RAPGEF4: variants seen among roughly 807,000 people sequenced by gnomAD.
The protein encoded by RAPGEF4 is Rap guanine nucleotide exchange factor 4.
In RAPGEF4, 66 loss-of-function variants were observed where a neutral mutation model predicts 147.9. The ratio of observed to expected loss-of-function variants is 0.45; its 90% CI spans 0.37 to 0.55. RAPGEF4 has a LOEUF of 0.55. RAPGEF4 is among the 20% of genes least tolerant of loss of function. The probability of loss-of-function intolerance (pLI) is 0.00; values close to 1 mark genes in which losing one functional copy is unlikely to be tolerated. For synonymous variants in RAPGEF4, 419 were observed against 442.7 expected, an observed-to-expected ratio of 0.95 and a Z score of 0.67; for missense variants, 1,071 against 1,257.3, an observed-to-expected ratio of 0.85 and a Z score of 2.24.
intron 4 of RAPGEF4, chr2:172,860,280 A>G (rs1693880885): frequency 2.0e-6 from 2 of 985,294 alleles, no homozygotes; most frequent in Non-Finnish European, 2.4e-6. Context: ...GCCGTGGTGG[A>G]CCTGGGAGAA....
At chr2:172,877,935 T>C (rs1696155923) in intron 4 of RAPGEF4, among the ~76,000 whole-genome samples, 1 of 152,216 alleles carries the variant, frequency 6.6e-6, no homozygotes, top group Admixed American at 6.5e-5. Flanking sequence ...TTTTGTTCTT[T>C]CACTCTAAGA....
chr2:172,880,395 A>G (rs1696471492), intron 4 of RAPGEF4, among the ~76,000 whole-genome samples: 1 of 152,222 alleles, frequency 6.6e-6, no homozygotes, highest in South Asian at 2.1e-4. Flanking sequence ...ATAGTAATTC[A>G]TTGTTTACAT....
chr2:172,900,013 A>G (rs1320967228), intron 4 of RAPGEF4, among the ~76,000 whole-genome samples: 1 of 152,196 alleles, frequency 6.6e-6, no homozygotes, highest in Non-Finnish European at 1.5e-5. Flanking sequence ...ATGCCAGATA[A>G]CTGGACACAT....
intron 1 of RAPGEF4, among the ~76,000 whole-genome samples, chr2:172,783,367 A>C (rs1433804551): frequency 6.6e-6 from 1 of 152,148 alleles, no homozygotes; most frequent in African/African-American, 2.4e-5. Flanking sequence ...TTTCCTCTTC[A>C]TTCTTTCACA....
At chr2:172,757,599 T>C (rs750304131) in intron 1 of RAPGEF4, among the ~76,000 whole-genome samples, 5 of 152,366 alleles carry the variant, frequency 3.3e-5, no homozygotes, top group Non-Finnish European at 5.9e-5. Context: ...ACTAAATTTA[T>C]TGGAGCTGTA....
chr2:172,736,131 C>A (rs867905996), intron 1 of RAPGEF4, 83 bp downstream of exon 1: 2 of 1,139,154 alleles, frequency 1.8e-6, no homozygotes, highest in South Asian at 2.8e-5. Context: ...CGCACCTGGG[C>A]GCAGCGCGGC....
chr2:173,012,868 C>T lies in RAPGEF4; in HGVS notation c.1659-1596C>T, dbSNP rs11676171. Among the ~76,000 whole-genome samples, 1,259 of 152,270 alleles carry T rather than the reference C, an allele frequency of 8.3e-3. 11 individuals carry two copies. The highest frequency in any genetic ancestry group is 0.014 in the Middle Eastern group (4 of 294). On this transcript the variant is annotated intron_variant, in intron 17 of 30. Transcript: ENST00000397081. ...CTCCTACGTGCCATTAAAAAATGGT[C>T]ATAAAATATAATGTCCAGCATTGCA...
chr2:172,794,061 A>G (rs940013034), intron 1 of RAPGEF4, among the ~76,000 whole-genome samples: 4 of 151,960 alleles, frequency 2.6e-5, no homozygotes, highest in African/African-American at 7.3e-5. Context: ...CCTGGAGGTC[A>G]AGGCTGCAGT....
intron 1 of RAPGEF4, among the ~76,000 whole-genome samples, chr2:172,761,829 A>G (rs1696374644): frequency 6.6e-6 from 1 of 152,180 alleles, no homozygotes; most frequent in South Asian, 2.1e-4. Context: ...CCTTAAAAAA[A>G]CATGCTGCTT....
rs144879152 is a variant in RAPGEF4 at position 173,007,365 on chromosome 2, G to A, written c.1658+6021G>A. ...TAAAGAAATTGATGGTACAGAAGGCGCTCCTATGAGCTCAAAGTTAGTAGG... is the reference window on the plus strand; with the variant it reads ...TAAAGAAATTGATGGTACAGAAGGCACTCCTATGAGCTCAAAGTTAGTAGG... On this transcript the variant is annotated intron_variant, in intron 17 of 30. Transcript: ENST00000397081. 3.3e-4 allele frequency among the ~76,000 whole-genome samples: 50 copies of A among 152,306 alleles called. No homozygotes were observed. In the East Asian group the frequency reaches 7.7e-3, roughly 23 times the overall value.
intron 1 of RAPGEF4, among the ~76,000 whole-genome samples, chr2:172,773,760 AAAAACAAAAC>A (rs147347935): frequency 0.079 from 12,022 of 152,118 alleles, 500 homozygotes; most frequent in African/African-American, 0.09. Flanking sequence ...TCTAAAGCCA[AAAAACAAAAC>A]AAAACAAAAC....
intron 4 of RAPGEF4, among the ~76,000 whole-genome samples, chr2:172,891,385 C>T (rs1697893679): frequency 6.6e-6 from 1 of 152,330 alleles, no homozygotes; most frequent in Middle Eastern, 3.4e-3. Flanking sequence ...CTCAATCTCT[C>T]AATGTATATT....
chr2:172,773,375 C>T (rs975737377), intron 1 of RAPGEF4, among the ~76,000 whole-genome samples: 1 of 152,204 alleles, frequency 6.6e-6, no homozygotes, highest in African/African-American at 2.4e-5. Flanking sequence ...ACAAATGGTT[C>T]ATATGATGTT....
At chr2:173,010,179 A>G (rs1575508941) in intron 17 of RAPGEF4, among the ~76,000 whole-genome samples, 2 of 152,256 alleles carry the variant, frequency 1.3e-5, no homozygotes, top group Non-Finnish European at 2.9e-5. Flanking sequence ...TGATTCCATG[A>G]CTTACCTGAA....
chr2:172,750,077 G>T (rs934381348), intron 1 of RAPGEF4, among the ~76,000 whole-genome samples: 1 of 152,084 alleles, frequency 6.6e-6, no homozygotes, highest in African/African-American at 2.4e-5. Flanking sequence ...CAAGTCACTA[G>T]GGAGTTCCAA....
intron 1 of RAPGEF4, among the ~76,000 whole-genome samples, chr2:172,772,798 A>G (rs1228283643): frequency 6.6e-6 from 1 of 152,234 alleles, no homozygotes; most frequent in Admixed American, 6.5e-5. Flanking sequence ...GGCTGCTCAC[A>G]GTCTGGGGGA....
At chr2:172,738,977 G>A (rs1035068812) in intron 1 of RAPGEF4, among the ~76,000 whole-genome samples, 1 of 152,174 alleles carries the variant, frequency 6.6e-6, no homozygotes, top group Non-Finnish European at 1.5e-5. Context: ...ATCATAGACA[G>A]GACAATATTT....
intron 10 of RAPGEF4, among the ~76,000 whole-genome samples, chr2:172,971,371 T>G (rs190863135): frequency 1.1e-4 from 17 of 152,264 alleles, no homozygotes; most frequent in Admixed American, 9.8e-4. Context: ...AAATCAAAAT[T>G]TAGGTCTGCA....
intron 29 of RAPGEF4, 35 bp from the exon 30 acceptor site, chr2:173,048,565 A>T: frequency 6.2e-7 from 1 of 1,613,646 alleles, no homozygotes; most frequent in Non-Finnish European, 8.5e-7. Context: ...CGCTTACTTG[A>T]ATTTCTATCT....
Sources: gnomAD v4.1 joint callset for allele counts (sites outside exome capture counted in the v4.1 genomes callset) on GRCh38, gnomAD v4.1.1 for gene constraint, MANE v1.5 for transcripts, NCBI Gene and HGNC (gene_info 2026-07-23, HGNC 2026-07-21) for gene names.